SLC9A3: variants seen among roughly 807,000 people sequenced by gnomAD.
SLC9A3 encodes the protein sodium/hydrogen exchanger 3.
Under a neutral mutation model 86.8 loss-of-function variants are expected in SLC9A3, and 37 were observed. The ratio of observed to expected loss-of-function variants is 0.43; its 90% CI spans 0.33 to 0.56. The LOEUF (loss-of-function observed/expected upper bound fraction) is 0.56. Ranked by LOEUF, SLC9A3 falls within the 20% of genes least tolerant of loss-of-function variation. The probability of loss-of-function intolerance (pLI) is 0.06; values close to 1 mark genes in which losing one functional copy is unlikely to be tolerated. For synonymous variants in SLC9A3, 581 were observed against 528.3 expected (o/e 1.10, Z -1.37); for missense variants, 1,011 against 1,171.9 (o/e 0.86, Z 2.00).
Position 482,122 on chromosome 5 carries a change from C to G in SLC9A3, c.1392G>C (p.Lys464Asn), listed in dbSNP as rs769093196. Residue 464 changes from lysine to asparagine, a missense_variant, in exon 8 of 17, where the codon AAG (lysine) becomes AAC (asparagine). Transcript: ENST00000264938. ...LTIKPLVQWL[K>N]VKRSEHREPR... is the part of the protein sequence containing the mutation. The stretch of plus-strand genomic sequence containing the variant: ...GTTCCCGGTGCTCGCTCCTCTTCAC[C>G]TTCAGCCACTGCACCAGAGGCTTGA... 4 of 1,611,060 alleles carry G rather than the reference C, an allele frequency of 2.5e-6. No individual in the cohort carries two copies. Among genetic ancestry groups the G allele is most frequent in the Non-Finnish European group, 3.4e-6 (4 of 1,179,380 alleles).
intron 3 of SLC9A3, 67 bp from the exon 4 acceptor site, chr5:485,298 G>T: frequency 1.5e-6 from 2 of 1,336,360 alleles, no homozygotes; most frequent in Non-Finnish European, 1.1e-6. Flanking sequence ...CGGGGCCCGG[G>T]CCTCGCTGGA....
intron 1 of SLC9A3, among the ~76,000 whole-genome samples, chr5:510,150 G>T (rs1262928931): frequency 6.6e-6 from 1 of 152,268 alleles, no homozygotes; most frequent in African/African-American, 2.4e-5. Context: ...GCGGCAGCTT[G>T]TTGGGAGCTG....
intron 1 of SLC9A3, among the ~76,000 whole-genome samples, chr5:511,445 C>CA (rs374593279): frequency 8.5e-5 from 13 of 152,358 alleles, no homozygotes; most frequent in African/African-American, 3.1e-4. Flanking sequence ...TCTAAAAACT[C>CA]ATAGGAAAAA....
At chr5:481,904 C>T (rs1168340341) in intron 8 of SLC9A3, among the ~76,000 whole-genome samples, 164 bp downstream of exon 8, 5 of 47,772 alleles carry the variant, frequency 1.0e-4, no homozygotes, top group Admixed American at 2.1e-4. Context: ...CCCCCAGCCC[C>T]GCACGTATGG....
intron 6 of SLC9A3, 21 bp from the exon 7 acceptor site, chr5:482,771 A>G: frequency 1.3e-6 from 2 of 1,570,452 alleles, no homozygotes; most frequent in Non-Finnish European, 1.7e-6. Flanking sequence ...TGGGGCGGGC[A>G]CTCAGCTCCC....
At chr5:514,081 G>A (rs1392101500) in intron 1 of SLC9A3, among the ~76,000 whole-genome samples, 2 of 152,276 alleles carry the variant, frequency 1.3e-5, no homozygotes, top group African/African-American at 2.4e-5. Flanking sequence ...CCCAGCCCCG[G>A]CTCGGGAGGG....
rs757493997 is a variant in SLC9A3 at position 474,998 on chromosome 5, C to T, written c.2386G>A (p.Gly796Ser). ...RARTQIPYSP[G>S]TFCRLMPFRL... Reference sequence around the variant, plus strand: ...AAGGGCATCAGGCGGCAGAAGGTGCCGGGAGAGTAGGGAATCTGCGTGCGG... The same window carrying T: ...AAGGGCATCAGGCGGCAGAAGGTGCTGGGAGAGTAGGGAATCTGCGTGCGG... The change falls in exon 16 of 17, where the codon GGC becomes AGC. Residue 796 changes from glycine to serine, a missense_variant. By Grantham distance (56) the Gly-to-Ser change is moderately conservative. Coordinates refer to ENST00000264938, the MANE Select transcript of SLC9A3 (RefSeq NM_004174.4). 4.0e-5 allele frequency: 65 copies of T among 1,612,086 alleles called. No homozygotes were observed. The Admixed American group carries it at 9.2e-4, about 23-fold the overall frequency.
At chr5:507,001 G>A (rs1318659790) in intron 1 of SLC9A3, among the ~76,000 whole-genome samples, 1 of 150,054 alleles carries the variant, frequency 6.7e-6, no homozygotes, top group Non-Finnish European at 1.5e-5. Flanking sequence ...AACCCGGGAG[G>A]TGGAGATTGT....
In SLC9A3 at chr5:492,018, T is replaced by A; in HGVS notation, c.265A>T (p.Ile89Phe). The change falls in exon 2 of 17, where the codon ATC becomes TTC. Residue 89 changes from isoleucine (I) to phenylalanine (F), a missense_variant. Coordinates refer to ENST00000264938, the MANE Select transcript of SLC9A3 (RefSeq NM_004174.4). ...TSVVPESALL[I>F]VLGLVLGGIV... ...CCGCCCAGCACCAGGCCCAGCACGA[T>A]GAGCAGGGCGCTCTCGGGAACCACG... 6.3e-7 allele frequency: 1 copy of A among 1,581,124 alleles called. No individual in the cohort carries two copies. Among genetic ancestry groups the A allele is most frequent in the Non-Finnish European group, 8.6e-7 (1 of 1,163,162 alleles).
intron 1 of SLC9A3, among the ~76,000 whole-genome samples, chr5:505,911 G>A (rs1468530324): frequency 1.3e-5 from 2 of 151,674 alleles, no homozygotes; most frequent in African/African-American, 4.9e-5. Flanking sequence ...AAAGGCATGA[G>A]GCCCCCTCAC....
chr5:506,712 G>A (rs980291121), intron 1 of SLC9A3, among the ~76,000 whole-genome samples: 7 of 152,212 alleles, frequency 4.6e-5, no homozygotes, highest in African/African-American at 1.4e-4. Flanking sequence ...AGAGTGGGTT[G>A]ACTTTGTTCT....
intron 1 of SLC9A3, among the ~76,000 whole-genome samples, chr5:516,243 G>T (rs915583279): frequency 6.0e-5 from 9 of 150,926 alleles, no homozygotes; most frequent in African/African-American, 1.7e-4. Context: ...TGGGATATTT[G>T]GGTCTCATTT....
rs545741869 is a variant in SLC9A3, at chr5:473,273, C to T, written c.*106G>A. On this transcript the variant is annotated 3_prime_UTR_variant, in exon 17 of 17. Coordinates refer to ENST00000264938, the MANE Select transcript of SLC9A3 (RefSeq NM_004174.4). ...AGGCGGGGCTCGGGGCTCGCGGTCGCTGTAGCCGCGCGGGGATCTGGGGTT... is the reference window on the plus strand; with the variant it reads ...AGGCGGGGCTCGGGGCTCGCGGTCGTTGTAGCCGCGCGGGGATCTGGGGTT... The T allele has an allele frequency of 1.2e-4, 142 of 1,210,586 alleles. No homozygotes were observed. The African/African-American group carries it at 2.2e-3, about 19-fold the overall frequency. The allele number at this position is 1,210,586 out of a possible 1,614,324, so 75.0% of individuals were successfully genotyped here.
intron 1 of SLC9A3, among the ~76,000 whole-genome samples, chr5:517,913 C>T (rs1733782411): frequency 6.6e-6 from 1 of 152,160 alleles, no homozygotes; most frequent in African/African-American, 2.4e-5. Context: ...ATCATCCATC[C>T]ATCCATCCAT....
chr5:475,566 G>A lies in SLC9A3; in HGVS notation c.2246C>T (p.Pro749Leu), dbSNP rs1738669906. Residue 749 changes from proline (P) to leucine (L), a missense_variant, in exon 15 of 17, where the codon CCT (proline) becomes CTT (leucine). Pro to Leu is a moderately conservative substitution (Grantham distance 98). This residue lies in a region of SLC9A3 where 397 missense variants were observed against 346.3 expected (regional missense o/e 1.15). Coordinates refer to ENST00000264938, the MANE Select transcript of SLC9A3 (RefSeq NM_004174.4). ...SVTKDTASDS[P>L]AGIDNPVFSP... ...CGCCTGTGCCCCGTCCCCACCTGCA[G>A]GGGAGTCGGACGCTGTGTCCTTGGT... is the stretch of plus-strand genomic sequence containing the variant. 4 of 1,542,158 alleles carry A rather than the reference G, an allele frequency of 2.6e-6. No homozygotes were observed. Among genetic ancestry groups the A allele is most frequent in the Non-Finnish European group, 3.5e-6 (4 of 1,138,402 alleles).
chr5:519,680 A>G (rs371903246), intron 1 of SLC9A3, among the ~76,000 whole-genome samples: 72 of 152,260 alleles, frequency 4.7e-4, no homozygotes, highest in African/African-American at 1.6e-3. Flanking sequence ...CCAGTGCCTC[A>G]GATTTGGGGC....
chr5:508,027 C>T (rs74927408), intron 1 of SLC9A3, among the ~76,000 whole-genome samples: 32 of 152,298 alleles, frequency 2.1e-4, no homozygotes, highest in African/African-American at 4.6e-4. Context: ...ACCCAAATGC[C>T]CACCCACACC....
At chr5:503,947 C>T (rs1363720591) in intron 1 of SLC9A3, among the ~76,000 whole-genome samples, 1 of 152,196 alleles carries the variant, frequency 6.6e-6, no homozygotes, top group Non-Finnish European at 1.5e-5. Flanking sequence ...CATCTTCACC[C>T]GGTGCCTGGA....
intron 1 of SLC9A3, among the ~76,000 whole-genome samples, chr5:500,346 A>G (rs936166589): frequency 8.5e-5 from 13 of 152,228 alleles, no homozygotes; most frequent in Non-Finnish European, 1.6e-4. Context: ...AGCTAGGTGC[A>G]CACACGGCAT....
Sources: allele counts gnomAD v4.1 joint callset (sites outside exome capture counted in the v4.1 genomes callset), GRCh38; gene constraint gnomAD v4.1.1; regional missense constraint gnomAD v4.1.1; transcripts MANE v1.5; gene names NCBI Gene and HGNC (gene_info 2026-07-23, HGNC 2026-07-21).